Variants in NAALADL2 observed in about 807,000 individuals in gnomAD.
NAALADL2 encodes the protein inactive N-acetylated-alpha-linked acidic dipeptidase-like protein 2.
NAALADL2 carries 76 observed loss-of-function variants against 87.2 expected under a neutral mutation model. The ratio of observed to expected loss-of-function variants is 0.87; its 90% CI spans 0.72 to 1.05. The LOEUF is 1.05. Among genes scored for constraint, NAALADL2 ranks in the 50% least tolerant of loss-of-function variants. The pLI is 0.00. For synonymous variants in NAALADL2, 354 were observed against 331.0 expected, an observed-to-expected ratio of 1.07 and a Z score of -0.75; for missense variants, 1,089 against 945.8, an observed-to-expected ratio of 1.15 and a Z score of -1.99.
chr3:174,801,570 T>C (rs1316541), intron 3 of NAALADL2, among the ~76,000 whole-genome samples: 70,980 of 151,946 alleles, frequency 0.47, 16,873 homozygotes, highest in African/African-American at 0.54. Context: ...GAAAAGCATT[T>C]GGTTTATCAT....
chr3:174,514,843 C>T (rs1186994426), intron 1 of NAALADL2, among the ~76,000 whole-genome samples: 1 of 151,958 alleles, frequency 6.6e-6, no homozygotes. Context: ...GATTTGTGCT[C>T]CCCCAAGAAT....
rs1343474140 is a variant in NAALADL2 at position 175,106,665 on chromosome 3, A to G, written c.545+9374A>G. ...CAGTAGAGTGCGGTGTAAGTTAAAC[A>G]TGGAAAAGTTGAGAACTGTTTGTAT... is the stretch of plus-strand genomic sequence containing the variant. On this transcript the variant is annotated intron_variant, in intron 2 of 13. Coordinates refer to ENST00000454872, the MANE Select transcript of NAALADL2 (RefSeq NM_207015.3). Among the ~76,000 whole-genome samples the G allele has an allele frequency of 3.3e-5, 5 of 152,182 alleles. No homozygotes were observed. The East Asian group carries it at 9.7e-4, about 29-fold the overall frequency.
chr3:175,789,881 T>TA (rs1397690171), intron 13 of NAALADL2, among the ~76,000 whole-genome samples: 5 of 152,176 alleles, frequency 3.3e-5, no homozygotes, highest in South Asian at 4.1e-4. Context: ...AAGTTATTAA[T>TA]AAAAAAATAC....
At chr3:175,324,757 G>A (rs777728124) in intron 5 of NAALADL2, among the ~76,000 whole-genome samples, 5 of 152,190 alleles carry the variant, frequency 3.3e-5, no homozygotes, top group Admixed American at 6.5e-5. Context: ...GGTGAGTAAA[G>A]TAGTAAGAAA....
At chr3:175,563,716 G>A (rs114155126) in intron 9 of NAALADL2, among the ~76,000 whole-genome samples, 1,661 of 152,196 alleles carry the variant, frequency 0.011, 29 homozygotes, top group African/African-American at 0.037. Flanking sequence ...AAAATACAAA[G>A]GTGAACTAAG....
chr3:175,685,563 C>T (rs1362471849), intron 11 of NAALADL2, among the ~76,000 whole-genome samples: 2 of 151,702 alleles, frequency 1.3e-5, no homozygotes, highest in African/African-American at 4.8e-5. Context: ...AAGGAATTGG[C>T]TCACATGACT....
chr3:175,451,612 A>G (rs539136612), intron 6 of NAALADL2, among the ~76,000 whole-genome samples: 1 of 152,280 alleles, frequency 6.6e-6, no homozygotes, highest in African/African-American at 2.4e-5. Flanking sequence ...CATTAATGTA[A>G]TTTAGCGTGA....
At chr3:174,655,010 C>T (rs1333862572) in intron 2 of NAALADL2, among the ~76,000 whole-genome samples, 1 of 152,212 alleles carries the variant, frequency 6.6e-6, no homozygotes, top group African/African-American at 2.4e-5. Context: ...GCTGGGATTA[C>T]AGGCGTGAGC....
At chr3:175,716,192 A>T (rs2150016147) in intron 11 of NAALADL2, among the ~76,000 whole-genome samples, 1 of 147,022 alleles carries the variant, frequency 6.8e-6, no homozygotes, top group Non-Finnish European at 1.5e-5. Flanking sequence ...TAATATATGT[A>T]TATAATATAT....
intron 2 of NAALADL2, among the ~76,000 whole-genome samples, chr3:174,660,287 G>A (rs1035609521): frequency 6.6e-6 from 1 of 151,974 alleles, no homozygotes; most frequent in Non-Finnish European, 1.5e-5. Flanking sequence ...TATCCTTTTC[G>A]ACTGACAAAA....
chr3:175,212,469 TG>T (rs1466948875), intron 2 of NAALADL2, among the ~76,000 whole-genome samples: 3 of 152,078 alleles, frequency 2.0e-5, no homozygotes, highest in African/African-American at 7.2e-5. Context: ...AGAAATCATA[TG>T]GTAAAACAGT....
At chr3:174,842,688 T>C (rs1724157879) in intron 3 of NAALADL2, among the ~76,000 whole-genome samples, 1 of 152,216 alleles carries the variant, frequency 6.6e-6, no homozygotes, top group African/African-American at 2.4e-5. Flanking sequence ...GTTTCACTTC[T>C]ACTTGACATC....
chr3:175,783,365 A>G (rs1256117747), intron 13 of NAALADL2, among the ~76,000 whole-genome samples: 2 of 151,124 alleles, frequency 1.3e-5, no homozygotes, highest in Admixed American at 6.6e-5. Flanking sequence ...ATTTGTTTGT[A>G]TCCTCTTTTA....
At chr3:175,261,385 A>G (rs1358249591) in intron 4 of NAALADL2, among the ~76,000 whole-genome samples, 1 of 152,180 alleles carries the variant, frequency 6.6e-6, no homozygotes, top group Non-Finnish European at 1.5e-5. Context: ...CTACAAGACA[A>G]CTAGAAATCA....
intron 2 of NAALADL2, among the ~76,000 whole-genome samples, chr3:174,675,679 TAGAG>T (rs1450680703): frequency 6.6e-6 from 1 of 152,084 alleles, no homozygotes; most frequent in African/African-American, 2.4e-5. Flanking sequence ...TGATTCTCTA[TAGAG>T]AAAGTTGTTT....
chr3:175,461,354 G>A (rs1723105141), intron 6 of NAALADL2, among the ~76,000 whole-genome samples: 1 of 152,032 alleles, frequency 6.6e-6, no homozygotes, highest in Non-Finnish European at 1.5e-5. Context: ...GACCCAGAGT[G>A]CTGATTGGTG....
intron 4 of NAALADL2, among the ~76,000 whole-genome samples, chr3:175,302,593 T>C (rs1757216917): frequency 6.6e-6 from 1 of 152,132 alleles, no homozygotes; most frequent in African/African-American, 2.4e-5. Context: ...TTTTAAAATA[T>C]ATTAAATATG....
At chr3:174,878,246 A>G (rs946734834) in intron 1 of NAALADL2, among the ~76,000 whole-genome samples, 2 of 152,168 alleles carry the variant, frequency 1.3e-5, no homozygotes, top group African/African-American at 4.8e-5. Flanking sequence ...CTGAGTGTGT[A>G]GTAAGTTATT....
At chr3:174,914,656 CAG>C (rs1163853945) in intron 1 of NAALADL2, among the ~76,000 whole-genome samples, 1 of 152,088 alleles carries the variant, frequency 6.6e-6, no homozygotes, top group Non-Finnish European at 1.5e-5. Flanking sequence ...TCAATAATCA[CAG>C]ACATTTATTT....
Sources: gnomAD v4.1 joint callset for allele counts (sites outside exome capture counted in the v4.1 genomes callset) on GRCh38, gnomAD v4.1.1 for gene constraint, MANE v1.5 for transcripts, NCBI Gene and HGNC (gene_info 2026-07-23, HGNC 2026-07-21) for gene names.